MGST2: variants seen among roughly 807,000 people sequenced by gnomAD.
The protein encoded by MGST2 is glutathione peroxidase MGST2.
MGST2 carries 9 observed loss-of-function variants against 16.6 expected under a neutral mutation model. That is an observed-to-expected ratio of 0.54 (90% CI 0.33 to 0.95). MGST2 has a LOEUF of 0.95. Ranked by LOEUF, MGST2 falls within the 40% of genes least tolerant of loss-of-function variation. MGST2 has a pLI of 0.03. For synonymous variants in MGST2, 79 were observed against 68.0 expected (o/e 1.16, Z -0.79); for missense variants, 159 against 175.1 (o/e 0.91, Z 0.52).
At chr4:139,667,234 C>T (rs1048078868) in intron 1 of MGST2, among the ~76,000 whole-genome samples, 7 of 151,978 alleles carry the variant, frequency 4.6e-5, no homozygotes, top group Admixed American at 3.3e-4. Context: ...ATATAGTTCA[C>T]GATGTACGGA....
At chr4:139,682,276 G>A (rs550293053) in intron 2 of MGST2, among the ~76,000 whole-genome samples, 4 of 151,822 alleles carry the variant, frequency 2.6e-5, no homozygotes, top group Admixed American at 6.6e-5. Flanking sequence ...AAAGGATAGC[G>A]TTGTAAGAGG....
In MGST2 at chr4:139,719,443, G is replaced by T. The variant is rs755325160; in HGVS notation, c.*48+15247G>T. ...GGCCAGGGAAGGAACCCCCAGCTCC[G>T]TCGCCACTGTAATTGTATGACACGT... On this transcript the variant is annotated intron_variant, in intron 5 of 5. Coordinates refer to the MGST2 transcript ENST00000616265. 9 of 1,613,888 alleles carry T rather than the reference G, an allele frequency of 5.6e-6. No homozygotes were observed. The Admixed American group carries it at 1.3e-4, about 24-fold the overall frequency.
At chr4:139,701,770 C>T (rs774860633) in intron 3 of MGST2, among the ~76,000 whole-genome samples, 5 of 151,780 alleles carry the variant, frequency 3.3e-5, no homozygotes, top group Non-Finnish European at 7.4e-5. Flanking sequence ...TCAAGACCAG[C>T]CTAGGCAACA....
chr4:139,677,799 G>A (rs564521236), intron 1 of MGST2, among the ~76,000 whole-genome samples: 6 of 151,420 alleles, frequency 4.0e-5, no homozygotes, highest in East Asian at 2.0e-4. Context: ...CACCGTGATC[G>A]GCACATTTTT....
At chr4:139,734,262 T>G (rs560046977) in intron 5 of MGST2, among the ~76,000 whole-genome samples, 1 of 152,344 alleles carries the variant, frequency 6.6e-6, no homozygotes, top group African/African-American at 2.4e-5. Flanking sequence ...CTGCTCTTGT[T>G]TCTAAGAAGG....
At chr4:139,682,138 G>A (rs1264934899) in intron 2 of MGST2, among the ~76,000 whole-genome samples, 1 of 151,906 alleles carries the variant, frequency 6.6e-6, no homozygotes, top group Non-Finnish European at 1.5e-5. Flanking sequence ...CAAGGCTTCA[G>A]TGAGCTATGA....
At chr4:139,690,353 G>C (rs1319998867) in intron 2 of MGST2, among the ~76,000 whole-genome samples, 2 of 151,972 alleles carry the variant, frequency 1.3e-5, no homozygotes, top group African/African-American at 4.8e-5. Flanking sequence ...TGTTGCCCAG[G>C]CTGGTCTCAA....
chr4:139,717,547 T>C (rs1321391839), intron 5 of MGST2: 2 of 152,246 alleles, frequency 1.3e-5, no homozygotes, highest in African/African-American at 4.8e-5. Flanking sequence ...TGCCCCTTCC[T>C]GAGCAGCTCT....
chr4:139,695,136 A>G, intron 2 of MGST2, 61 bp from the exon 3 acceptor site: 1 of 1,221,776 alleles, frequency 8.2e-7, no homozygotes, highest in East Asian at 2.3e-5. Context: ...TAGATGAAAA[A>G]TCAATGCTTC....
At chr4:139,674,430 G>T (rs1245196229) in intron 1 of MGST2, among the ~76,000 whole-genome samples, 1 of 151,862 alleles carries the variant, frequency 6.6e-6, no homozygotes, top group Non-Finnish European at 1.5e-5. Flanking sequence ...TTGTCCACAA[G>T]GAATTTCCTT....
chr4:139,748,053 TAAAAAAAAAAAAAA>T, the MGST2 span, among the ~76,000 whole-genome samples: 2 of 95,536 alleles, frequency 2.1e-5, 1 homozygote, highest in Admixed American at 2.3e-4. Context: ...AGACTTCGTC[TAAAAAAAAAAAAAA>T]AAAAAAAAAG....
chr4:139,672,380 GTCC>G (rs1294896487), intron 1 of MGST2, among the ~76,000 whole-genome samples: 6 of 152,134 alleles, frequency 3.9e-5, no homozygotes, highest in Non-Finnish European at 8.8e-5. Flanking sequence ...GAGTGGCCAA[GTCC>G]TCATTTCCCC....
At chr4:139,719,211 C>G in intron 5 of MGST2, 1 of 1,279,944 alleles carries the variant, frequency 7.8e-7, no homozygotes, top group Non-Finnish European at 1.0e-6. Context: ...TGCAGTTTTG[C>G]TCAGTTTACG....
At position 139,678,593 on chromosome 4, in the gene MGST2, C is replaced by A; in HGVS notation, c.109C>A (p.Pro37Thr). 6.2e-7 allele frequency: 1 copy of A among 1,614,116 alleles called. No individual in the cohort carries two copies. Among genetic ancestry groups the A allele is most frequent in the Non-Finnish European group, 8.5e-7 (1 of 1,179,986 alleles). ...GKARLKYKVT[P>T]PAVTGSPEFE... is the part of the protein sequence containing the mutation. ...GGCAAGATTAAAATACAAAGTTACG[C>A]CCCCAGCAGTCACTGGGTCACCAGA... Residue 37 changes from proline to threonine, a missense_variant, in exon 2 of 5, where the codon CCC (proline) becomes ACC (threonine). Physicochemically the swap from Pro to Thr is conservative, Grantham distance 38. Coordinates refer to ENST00000265498, the MANE Select transcript of MGST2 (RefSeq NM_002413.5).
At chr4:139,685,854 GGGTTTCA>G (rs1394905733) in intron 2 of MGST2, among the ~76,000 whole-genome samples, 1 of 151,970 alleles carries the variant, frequency 6.6e-6, no homozygotes, top group Non-Finnish European at 1.5e-5. Flanking sequence ...AGTAGAGACA[GGGTTTCA>G]CCATCTTGGC....
intron 5 of MGST2, among the ~76,000 whole-genome samples, chr4:139,722,910 T>C (rs963307205): frequency 6.6e-6 from 1 of 152,222 alleles, no homozygotes; most frequent in Non-Finnish European, 1.5e-5. Context: ...ACAAATTATA[T>C]ATCTCAAACC....
At chr4:139,736,622 G>A (rs1401811105) in intron 5 of MGST2, among the ~76,000 whole-genome samples, 2 of 152,180 alleles carry the variant, frequency 1.3e-5, no homozygotes, top group Non-Finnish European at 2.9e-5. Flanking sequence ...CCCAGTATGG[G>A]CAATTTGGGA....
chr4:139,718,244 C>G (rs986448072), intron 5 of MGST2: 1 of 152,252 alleles, frequency 6.6e-6, no homozygotes, highest in African/African-American at 2.4e-5. Flanking sequence ...ATTCATTCAA[C>G]GCTACACGTT....
At chr4:139,678,871 A>G in intron 2 of MGST2, 1 of 583,038 alleles carries the variant, frequency 1.7e-6, no homozygotes, top group East Asian at 2.9e-5. Context: ...ATATTTACAG[A>G]AAAGGCTGGG....
Sources: gnomAD v4.1 joint callset for allele counts (sites outside exome capture counted in the v4.1 genomes callset) on GRCh38, gnomAD v4.1.1 for gene constraint, MANE v1.5 for transcripts, NCBI Gene and HGNC (gene_info 2026-07-23, HGNC 2026-07-21) for gene names.